Variants in BANK1 observed in about 807,000 individuals in gnomAD.
BANK1 encodes the protein B-cell scaffold protein with ankyrin repeats.
Under a neutral mutation model 94.5 loss-of-function variants are expected in BANK1, and 95 were observed. That is an observed-to-expected ratio of 1.00 (90% CI 0.85 to 1.19). The LOEUF is 1.19. Among genes scored for constraint, BANK1 ranks in the 50% most tolerant of loss-of-function variants. BANK1 has a pLI of 0.00. For missense variants in BANK1, 987 were observed against 932.2 expected, an observed-to-expected ratio of 1.06 and a Z score of -0.77; for synonymous variants, 334 against 308.4, an observed-to-expected ratio of 1.08 and a Z score of -0.87.
At chr4:101,926,922 G>A (rs1273570733) in intron 7 of BANK1, among the ~76,000 whole-genome samples, 1 of 151,796 alleles carries the variant, frequency 6.6e-6, no homozygotes, top group Non-Finnish European at 1.5e-5. Context: ...CAAAGTAAGT[G>A]AGAAATAAAA....
At chr4:102,004,092 G>A (rs79173218) in intron 7 of BANK1, among the ~76,000 whole-genome samples, 212 of 151,924 alleles carry the variant, frequency 1.4e-3, no homozygotes, top group African/African-American at 4.3e-3. Flanking sequence ...CACCTGGCCT[G>A]TTATATATTT....
chr4:101,999,407 C>G (rs531136531), intron 7 of BANK1, among the ~76,000 whole-genome samples: 3 of 152,170 alleles, frequency 2.0e-5, no homozygotes, highest in Non-Finnish European at 2.9e-5. Context: ...TAAGTGAGGT[C>G]TCCTTGTTTC....
intron 7 of BANK1, among the ~76,000 whole-genome samples, chr4:101,962,327 T>G (rs1724599857): frequency 6.6e-6 from 1 of 152,164 alleles, no homozygotes; most frequent in African/African-American, 2.4e-5. Context: ...TTTCCTGCCA[T>G]TCTCTTCTTG....
At chr4:101,821,253 T>G (rs1726134694) in intron 1 of BANK1, among the ~76,000 whole-genome samples, 1 of 152,252 alleles carries the variant, frequency 6.6e-6, no homozygotes, top group Admixed American at 6.5e-5. Context: ...TGTCTTCTTT[T>G]GAAAAGTGTC....
At chr4:101,825,423 C>G (rs923909953) in intron 1 of BANK1, among the ~76,000 whole-genome samples, 2 of 151,922 alleles carry the variant, frequency 1.3e-5, no homozygotes, top group South Asian at 2.1e-4. Flanking sequence ...CTTCTATTTT[C>G]TAGAAAAAGG....
At chr4:102,059,932 A>C (rs1728354824) in intron 11 of BANK1, among the ~76,000 whole-genome samples, 1 of 152,204 alleles carries the variant, frequency 6.6e-6, no homozygotes. Flanking sequence ...CAAAATTGGC[A>C]CTGCCATCAA....
intron 2 of BANK1, among the ~76,000 whole-genome samples, chr4:101,846,463 C>T (rs1371730749): frequency 6.6e-6 from 1 of 152,160 alleles, no homozygotes; most frequent in Non-Finnish European, 1.5e-5. Context: ...TCTGTTTTCA[C>T]ACTGCTATAA....
At chr4:101,963,735 A>G (rs1033708753) in intron 7 of BANK1, among the ~76,000 whole-genome samples, 1 of 152,120 alleles carries the variant, frequency 6.6e-6, no homozygotes. Flanking sequence ...TTTCACTTCG[A>G]AAGAAACACA....
chr4:101,899,512 G>A (rs1462738180), intron 6 of BANK1, among the ~76,000 whole-genome samples: 2 of 152,054 alleles, frequency 1.3e-5, no homozygotes, highest in African/African-American at 4.8e-5. Flanking sequence ...AAATAAAACA[G>A]CCAGTTTGAA....
At chr4:102,039,454 T>G (rs2129294) in intron 10 of BANK1, among the ~76,000 whole-genome samples, 96,716 of 151,828 alleles carry the variant, frequency 0.64, 31,397 homozygotes, top group African/African-American at 0.75. Context: ...AGACAAAGGG[T>G]TTATTTACAC....
intron 2 of BANK1, among the ~76,000 whole-genome samples, chr4:101,830,931 C>G (rs187589694): frequency 2.0e-5 from 3 of 152,170 alleles, no homozygotes; most frequent in Admixed American, 2.0e-4. Flanking sequence ...TTTTTTGGAG[C>G]AAATTTCTGA....
intron 1 of BANK1, among the ~76,000 whole-genome samples, chr4:101,820,905 G>T (rs1237667365): frequency 2.6e-5 from 4 of 151,932 alleles, no homozygotes; most frequent in Non-Finnish European, 5.9e-5. Context: ...CCATGTCTTT[G>T]CTATTGTGAA....
intron 11 of BANK1, among the ~76,000 whole-genome samples, 185 bp from the exon 12 acceptor site, chr4:102,060,026 A>T (rs1055206247): frequency 1.3e-5 from 2 of 152,022 alleles, no homozygotes; most frequent in African/African-American, 2.4e-5. Context: ...TTTTTCACCC[A>T]TAAGACTAGT....
intron 7 of BANK1, among the ~76,000 whole-genome samples, chr4:101,986,020 A>G (rs1725471085): frequency 6.6e-6 from 1 of 152,162 alleles, no homozygotes; most frequent in Admixed American, 6.6e-5. Flanking sequence ...ATGTCTACCA[A>G]TCATTGTAAT....
At chr4:101,883,445 T>C (rs1728746722) in intron 5 of BANK1, among the ~76,000 whole-genome samples, 1 of 152,232 alleles carries the variant, frequency 6.6e-6, no homozygotes, top group Non-Finnish European at 1.5e-5. Context: ...ATTGCCCCCA[T>C]ATGTTATAAC....
chr4:101,996,480 T>C (rs1725884842), intron 7 of BANK1, among the ~76,000 whole-genome samples: 1 of 152,246 alleles, frequency 6.6e-6, no homozygotes, highest in South Asian at 2.1e-4. Context: ...CAATGGTAGC[T>C]TGATGGGGAT....
At chr4:101,950,025 G>A (rs78093342) in intron 7 of BANK1, among the ~76,000 whole-genome samples, 697 of 41,722 alleles carry the variant, frequency 0.017, 12 homozygotes, top group East Asian at 0.089. Context: ...AGGGGTGTGT[G>A]TGTGTGTGTG....
At chr4:101,846,676 A>C (rs1727259731) in intron 2 of BANK1, among the ~76,000 whole-genome samples, 1 of 152,192 alleles carries the variant, frequency 6.6e-6, no homozygotes, top group African/African-American at 2.4e-5. Context: ...GGGAAGTGCT[A>C]CAGTTTTAAA....
chr4:102,017,047 A>C (rs1423715265), intron 7 of BANK1, among the ~76,000 whole-genome samples: 3 of 152,210 alleles, frequency 2.0e-5, no homozygotes, highest in African/African-American at 7.2e-5. Flanking sequence ...TTTTCCTGGA[A>C]AAATATTCAA....
Sources: allele counts gnomAD v4.1 joint callset (sites outside exome capture counted in the v4.1 genomes callset), GRCh38; gene constraint gnomAD v4.1.1; transcripts MANE v1.5; gene names NCBI Gene and HGNC (gene_info 2026-07-23, HGNC 2026-07-21).